The following IGF1R variants were observed in gnomAD, a reference collection of about 807,000 sequenced individuals.
IGF1R encodes the protein insulin like growth factor 1 receptor.
In IGF1R, 44 loss-of-function variants were observed where a neutral mutation model predicts 144.6. The observed-to-expected ratio is 0.30, with a 90% CI of 0.24 to 0.39. IGF1R has a LOEUF of 0.39. Ranked by LOEUF, IGF1R falls within the 10% of genes least tolerant of loss-of-function variation. IGF1R has a pLI of 1.00. For synonymous variants in IGF1R, 795 were observed against 722.8 expected (o/e 1.10, Z -1.60); for missense variants, 1,355 against 1,833.7 (o/e 0.74, Z 4.77).
intron 1 of IGF1R, among the ~76,000 whole-genome samples, chr15:98,681,650 C>G (rs939873957): frequency 6.6e-6 from 1 of 152,212 alleles, no homozygotes; most frequent in South Asian, 2.1e-4. Context: ...ATGCTCCACC[C>G]TCAAGGCTAT....
chr15:98,820,493 T>C (rs1301986551), intron 2 of IGF1R, among the ~76,000 whole-genome samples: 3 of 152,182 alleles, frequency 2.0e-5, no homozygotes, highest in Non-Finnish European at 4.4e-5. Context: ...AACTTCATTC[T>C]ATGATAAGAT....
intron 1 of IGF1R, among the ~76,000 whole-genome samples, chr15:98,658,873 C>T (rs950044975): frequency 4.6e-5 from 7 of 152,212 alleles, no homozygotes; most frequent in Admixed American, 2.0e-4. Flanking sequence ...AGTAGCTAAG[C>T]TCTCAGGCAA....
At chr15:98,651,180 G>A (rs920791426) in intron 1 of IGF1R, 3 of 513,634 alleles carry the variant, frequency 5.8e-6, no homozygotes, top group African/African-American at 2.1e-5. Flanking sequence ...AGGAGGCAGC[G>A]GAGGTTGTAT....
chr15:98,733,738 G>A (rs532434481), intron 2 of IGF1R, among the ~76,000 whole-genome samples: 1 of 152,300 alleles, frequency 6.6e-6, no homozygotes, highest in East Asian at 1.9e-4. Flanking sequence ...TGGAACATGG[G>A]ACTGTTTGCA....
intron 1 of IGF1R, chr15:98,650,936 C>T (rs2052347587): frequency 1.0e-6 from 1 of 984,974 alleles, no homozygotes; most frequent in Admixed American, 6.1e-5. Context: ...CCCCCGGTGT[C>T]TACGGCCGGA....
At chr15:98,864,757 G>C (rs1350209786) in intron 2 of IGF1R, among the ~76,000 whole-genome samples, 6 of 152,064 alleles carry the variant, frequency 3.9e-5, no homozygotes, top group Admixed American at 2.0e-4. Context: ...TACTCTATGT[G>C]GTCTTTTCTA....
At chr15:98,767,012 T>C (rs1007412414) in intron 2 of IGF1R, among the ~76,000 whole-genome samples, 1 of 152,168 alleles carries the variant, frequency 6.6e-6, no homozygotes, top group Admixed American at 6.5e-5. Flanking sequence ...GCCTTTCCCC[T>C]TCCTTTCCGC....
chr15:98,915,539 G>T (rs1052111873), intron 8 of IGF1R, among the ~76,000 whole-genome samples: 6 of 152,140 alleles, frequency 3.9e-5, no homozygotes, highest in Admixed American at 1.3e-4. Flanking sequence ...TTTTATCAGA[G>T]ATTCAAAATC....
At chr15:98,908,275 A>G (rs2014828868) in intron 5 of IGF1R, among the ~76,000 whole-genome samples, 1 of 152,160 alleles carries the variant, frequency 6.6e-6, no homozygotes, top group Admixed American at 6.5e-5. Context: ...ATAATGGGAG[A>G]CTTTAGAGCA....
In IGF1R at chr15:98,664,545, A is replaced by G. The variant is rs576627381; in HGVS notation, c.94+14870A>G. Among the ~76,000 whole-genome samples the G allele has an allele frequency of 5.7e-4, 87 of 152,056 alleles. 1 individual carries two copies. The South Asian group carries it at 0.016, about 28-fold the overall frequency. On this transcript the variant is annotated intron_variant, in intron 1 of 20. Transcript: ENST00000650285. Reference sequence around the variant, plus strand: ...CCAGGCACAGTGGCATGCACCTGTAATCCCAGCTACTCAGGAGGCTGAGGC... The same window carrying G: ...CCAGGCACAGTGGCATGCACCTGTAGTCCCAGCTACTCAGGAGGCTGAGGC...
chr15:98,749,683 T>G (rs2054957682), intron 2 of IGF1R, among the ~76,000 whole-genome samples: 1 of 152,248 alleles, frequency 6.6e-6, no homozygotes, highest in African/African-American at 2.4e-5. Context: ...GTAACAATTA[T>G]GCCTTACAGG....
rs868566529 is a variant in IGF1R, at chr15:98,960,564, G to A, written c.*3122G>A. 8.6e-6 allele frequency: 2 copies of A among 233,476 alleles called. No homozygotes were observed. Among genetic ancestry groups the A allele is most frequent in the African/African-American group, 2.2e-5 (1 of 45,370 alleles). 14.5% of individuals were successfully genotyped at this position (233,476 alleles called of 1,614,324 possible). A position where few individuals can be genotyped will look rare whatever the true frequency, so the allele number is the denominator to read the frequency against. ...CTCTGTGCGAATCCCCAGGGTAAAG[G>A]CGTGGGGCATTGGGTTTGCTCCCCT... is the stretch of plus-strand genomic sequence containing the variant. On this transcript the variant is annotated 3_prime_UTR_variant, in exon 21 of 21. Coordinates refer to ENST00000650285, the MANE Select transcript of IGF1R (RefSeq NM_000875.5).
At chr15:98,774,710 G>A (rs1025295596) in intron 2 of IGF1R, among the ~76,000 whole-genome samples, 1 of 151,538 alleles carries the variant, frequency 6.6e-6, no homozygotes, top group Non-Finnish European at 1.5e-5. Context: ...GGGTGGTTTG[G>A]GGAAGGGAGT....
chr15:98,876,331 AG>A (rs1247343940), intron 2 of IGF1R, among the ~76,000 whole-genome samples: 45 of 136,442 alleles, frequency 3.3e-4, no homozygotes, highest in African/African-American at 1.2e-3. Context: ...AAAAAAAGAG[AG>A]AGAGAGTCTT....
chr15:98,688,920 T>C (rs1046173879), intron 1 of IGF1R, among the ~76,000 whole-genome samples: 2 of 152,140 alleles, frequency 1.3e-5, no homozygotes, highest in Non-Finnish European at 2.9e-5. Context: ...CATCAGTATA[T>C]GCATGTGGAT....
chr15:98,743,591 G>A (rs2054797686), intron 2 of IGF1R, among the ~76,000 whole-genome samples: 1 of 152,206 alleles, frequency 6.6e-6, no homozygotes, highest in Non-Finnish European at 1.5e-5. Context: ...GGTTTGGGGT[G>A]GAAAGGTGGG....
Position 98,961,374 on chromosome 15 carries a change from C to T in IGF1R, c.*3932C>T, listed in dbSNP as rs2017219527. ...TAGAAAACACTAACAGTGTAGTGCC[C>T]ATCATAGCAAATGCTTCAGAAACAC... On this transcript the variant is annotated 3_prime_UTR_variant, in exon 21 of 21. Coordinates refer to ENST00000650285, the MANE Select transcript of IGF1R (RefSeq NM_000875.5). 1 of 233,436 alleles carries T rather than the reference C, an allele frequency of 4.3e-6. No individual in the cohort carries two copies. Among genetic ancestry groups the T allele is most frequent in the Non-Finnish European group, 8.5e-6 (1 of 117,930 alleles). The allele number at this position is 233,436 out of a possible 1,614,324, so 14.5% of individuals were successfully genotyped here. A position where few individuals can be genotyped will look rare whatever the true frequency, so the allele number is the denominator to read the frequency against.
At position 98,948,703 on chromosome 15, in the gene IGF1R, C is replaced by T; in HGVS notation, c.3717C>T (p.Asp1239=). The T allele has an allele frequency of 6.2e-7, 1 of 1,614,138 alleles. No individual in the cohort carries two copies. The highest frequency in any genetic ancestry group is 8.5e-7 in the Non-Finnish European group (1 of 1,180,000). ...GLLDKPDNCP[D]MLFELMRMCW... ...TGGACAAGCCAGACAACTGTCCTGACATGCTGTACGTACTTCCTGGGCCCT... is the reference window on the plus strand; with the variant it reads ...TGGACAAGCCAGACAACTGTCCTGATATGCTGTACGTACTTCCTGGGCCCT... The change falls in exon 20 of 21, where the codon GAC becomes GAT. Residue 1239 remains aspartate, a synonymous_variant. Transcript: ENST00000650285.
chr15:98,707,999 TGTGGGGA>T lies in IGF1R; in HGVS notation c.533_539del (p.Cys178SerfsTer70), dbSNP rs1315329315. On this transcript the variant is annotated frameshift_variant, in exon 2 of 21. Coordinates refer to ENST00000650285, the MANE Select transcript of IGF1R (RefSeq NM_000875.5). LOFTEE classifies it high-confidence loss of function. The surrounding 1 kb of genome is among the most constrained non-coding windows in gnomAD (Gnocchi z 6.7). Reference sequence around the variant, plus strand: ...TGTGGGGAATAAGCCCCCAAAGGAATGTGGGGACCTGTGTCCAGGGACCATGGAGGAG... The same window carrying T: ...TGTGGGGAATAAGCCCCCAAAGGAATCCTGTGTCCAGGGACCATGGAGGAG... 1 of 1,614,138 alleles carries T rather than the reference TGTGGGGA, an allele frequency of 6.2e-7. No individual in the cohort carries two copies. Among genetic ancestry groups the T allele is most frequent in the Non-Finnish European group, 8.5e-7 (1 of 1,180,020 alleles).
Sources: gnomAD v4.1 joint callset for allele counts (sites outside exome capture counted in the v4.1 genomes callset) on GRCh38, gnomAD v4.1.1 for gene constraint, Gnocchi (gnomAD v3.1) non-coding constraint, MANE v1.5 for transcripts, NCBI Gene and HGNC (gene_info 2026-07-23, HGNC 2026-07-21) for gene names.